Variants in LAMA2 observed in about 807,000 individuals in gnomAD.
LAMA2 encodes laminin subunit alpha 2, also known as laminin subunit alpha-2.
A neutral mutation model predicts 364.8 loss-of-function variants in LAMA2; 269 were observed. The ratio of observed to expected loss-of-function variants is 0.74; its 90% CI spans 0.67 to 0.82. LAMA2 has a LOEUF of 0.82. LAMA2 is among the 40% of genes least tolerant of loss of function. The pLI, the probability that LAMA2 is intolerant of heterozygous loss-of-function variation, is 0.00. For synonymous variants in LAMA2, 1,379 were observed against 1,370.6 expected (o/e 1.01, Z -0.14); for missense variants, 3,807 against 3,873.2 (o/e 0.98, Z 0.45).
In LAMA2 at chr6:129,164,940, CTTACCTATTCTGTGCACAGT is replaced by C. The variant is rs1226642846; in HGVS notation, c.1207-635_1207-616del. 2.6e-5 allele frequency among the ~76,000 whole-genome samples: 4 copies of C among 152,032 alleles called. No homozygotes were observed. In the East Asian group the frequency reaches 7.7e-4, roughly 29 times the overall value. ...ATTTATATGTGTATATAAAATATGC[CTTACCTATTCTGTGCACAGT>C]CCCAACTTCATAATGGGGGAATGAA... On this transcript the variant is annotated intron_variant, in intron 8 of 64. Coordinates refer to ENST00000421865, the MANE Select transcript of LAMA2 (RefSeq NM_000426.4).
chr6:129,284,292 A>T (rs9492291), intron 18 of LAMA2, among the ~76,000 whole-genome samples: 5,846 of 152,056 alleles, frequency 0.038, 362 homozygotes, highest in African/African-American at 0.13. Flanking sequence ...TCCATCCGAG[A>T]CTAACTAATC....
intron 55 of LAMA2, among the ~76,000 whole-genome samples, chr6:129,484,636 AAAAT>A (rs1443181644): frequency 6.6e-6 from 1 of 152,208 alleles, no homozygotes. Context: ...TAATAAATAG[AAAAT>A]AAATAAAAAT....
At chr6:128,967,449 C>T (rs1412995539) in intron 1 of LAMA2, among the ~76,000 whole-genome samples, 1 of 152,124 alleles carries the variant, frequency 6.6e-6, no homozygotes, top group African/African-American at 2.4e-5. Flanking sequence ...ATGAGCTTTG[C>T]ATGGGCACCC....
At chr6:129,057,789 A>ATT (rs1293594208) in intron 2 of LAMA2, among the ~76,000 whole-genome samples, 1 of 152,156 alleles carries the variant, frequency 6.6e-6, no homozygotes, top group Non-Finnish European at 1.5e-5. Context: ...CTAGATTGCA[A>ATT]TATTAGGTAG....
chr6:129,312,279 T>C (rs1008451304), intron 22 of LAMA2, among the ~76,000 whole-genome samples: 1 of 152,160 alleles, frequency 6.6e-6, no homozygotes, highest in African/African-American at 2.4e-5. Flanking sequence ...CAAATCAGAA[T>C]TGTATGCAAG....
intron 12 of LAMA2, among the ~76,000 whole-genome samples, chr6:129,224,979 G>A (rs1784145007): frequency 6.6e-6 from 1 of 152,036 alleles, no homozygotes; most frequent in African/African-American, 2.4e-5. Context: ...TTTTTTGGTT[G>A]GTAGGCTATT....
chr6:129,322,932 T>C (rs2114519353), intron 28 of LAMA2, among the ~76,000 whole-genome samples: 1 of 152,262 alleles, frequency 6.6e-6, no homozygotes, highest in South Asian at 2.1e-4. Context: ...AAATGATAAA[T>C]GAAAATCAAG....
At position 128,972,695 on chromosome 6, in the gene LAMA2, T is replaced by G. The variant is rs181348680; in HGVS notation, c.113-77223T>G. On this transcript the variant is annotated intron_variant, in intron 1 of 64. Transcript: ENST00000421865. ...CAAATTTTGCACCCTCGAGCACCTC[T>G]CTCACCTCCACATTGAAAAAAATAC... Among the ~76,000 whole-genome samples, 167 of 152,072 alleles carry G rather than the reference T, an allele frequency of 1.1e-3. 1 individual carries two copies. Among genetic ancestry groups the G allele is most frequent in the Non-Finnish European group, 1.6e-3 (112 of 67,988 alleles).
chr6:129,032,908 G>C (rs1033692470), intron 1 of LAMA2, among the ~76,000 whole-genome samples: 11 of 152,188 alleles, frequency 7.2e-5, no homozygotes, highest in Admixed American at 2.0e-4. Flanking sequence ...AGAGAATTCA[G>C]GAGTAGCTAA....
In LAMA2 at chr6:129,155,123, A is replaced by G. The variant is rs564887769; in HGVS notation, c.1206+440A>G. On this transcript the variant is annotated intron_variant, in intron 8 of 64. Transcript: ENST00000421865. ...GAGTAGTATTTCTCTGCACGAACAT[A>G]TCAAAATTTTAAATCCATTCTCCTG... is the stretch of plus-strand genomic sequence containing the variant. 7.9e-4 allele frequency among the ~76,000 whole-genome samples: 120 copies of G among 152,328 alleles called. 1 individual carries two copies. The highest frequency in any genetic ancestry group is 2.9e-3 in the African/African-American group (119 of 41,580).
intron 11 of LAMA2, among the ~76,000 whole-genome samples, chr6:129,191,753 A>G (rs1781534126): frequency 6.6e-6 from 1 of 152,234 alleles, no homozygotes; most frequent in Non-Finnish European, 1.5e-5. Context: ...AGAAATTTTA[A>G]AAAATATTTC....
intron 9 of LAMA2, among the ~76,000 whole-genome samples, chr6:129,170,792 T>G (rs1255208030): frequency 6.6e-6 from 1 of 150,956 alleles, no homozygotes; most frequent in African/African-American, 2.4e-5. Context: ...TCTCCCATTA[T>G]TAATGTGTGG....
chr6:129,235,880 A>G (rs1784951270), intron 12 of LAMA2, among the ~76,000 whole-genome samples: 2 of 152,180 alleles, frequency 1.3e-5, no homozygotes, highest in Non-Finnish European at 2.9e-5. Context: ...GACTCTGCCA[A>G]GGCTATTTAT....
intron 12 of LAMA2, among the ~76,000 whole-genome samples, chr6:129,215,716 A>G (rs1783385831): frequency 6.6e-6 from 1 of 152,146 alleles, no homozygotes; most frequent in Admixed American, 6.5e-5. Flanking sequence ...TATAAAATGG[A>G]GAGTGTAAAT....
At chr6:129,250,326 A>C (rs1769209427) in intron 13 of LAMA2, 113 bp downstream of exon 13, 5 of 720,490 alleles carry the variant, frequency 6.9e-6, no homozygotes, top group Non-Finnish European at 1.3e-5. Context: ...CTACTAAAAA[A>C]AAATATACCT....
intron 1 of LAMA2, among the ~76,000 whole-genome samples, chr6:128,913,105 T>G (rs907217864): frequency 3.3e-5 from 5 of 152,160 alleles, no homozygotes; most frequent in Non-Finnish European, 7.3e-5. Context: ...TAAAAACCAA[T>G]CCACTCTGAG....
intron 4 of LAMA2, among the ~76,000 whole-genome samples, chr6:129,111,121 A>G (rs1776134295): frequency 1.3e-5 from 2 of 152,016 alleles, no homozygotes; most frequent in African/African-American, 4.8e-5. Flanking sequence ...ACTTAAAAAG[A>G]TATCAGGAGC....
At chr6:129,406,294 G>C (rs9372928) in intron 40 of LAMA2, among the ~76,000 whole-genome samples, 75,800 of 151,444 alleles carry the variant, frequency 0.5, 19,391 homozygotes, top group African/African-American at 0.62. Context: ...AAGCTAATAC[G>C]ATTTGTTTGT....
At chr6:128,928,509 A>C (rs535338953) in intron 1 of LAMA2, among the ~76,000 whole-genome samples, 14 of 152,220 alleles carry the variant, frequency 9.2e-5, no homozygotes, top group East Asian at 1.9e-4. Context: ...ACTCAGCTCT[A>C]TGTTGCTTAA....
Sources: gnomAD v4.1 joint callset for allele counts (sites outside exome capture counted in the v4.1 genomes callset) on GRCh38, gnomAD v4.1.1 for gene constraint, MANE v1.5 for transcripts, NCBI Gene and HGNC (gene_info 2026-07-23, HGNC 2026-07-21) for gene names.